The following GAB1 variants were observed in gnomAD, a reference collection of about 807,000 sequenced individuals.
GAB1 encodes the protein GRB2-associated-binding protein 1.
GAB1 carries 19 observed loss-of-function variants against 66.5 expected under a neutral mutation model. That is an observed-to-expected ratio of 0.29 (90% confidence interval 0.20 to 0.42). GAB1 has a LOEUF of 0.42. Ranked by LOEUF, GAB1 falls within the 10% of genes least tolerant of loss-of-function variation. GAB1 has a pLI of 1.00. For synonymous variants in GAB1, 294 were observed against 301.4 expected (o/e 0.98, Z 0.25); for missense variants, 732 against 858.5 (o/e 0.85, Z 1.84).
intron 1 of GAB1, among the ~76,000 whole-genome samples, chr4:143,360,168 G>T (rs141976605): frequency 6.6e-6 from 1 of 152,032 alleles, no homozygotes; most frequent in African/African-American, 2.4e-5. Context: ...TTTTGTATAA[G>T]TAGATTCACC....
intron 1 of GAB1, among the ~76,000 whole-genome samples, chr4:143,389,380 A>G (rs1731075067): frequency 6.6e-6 from 1 of 152,200 alleles, no homozygotes; most frequent in African/African-American, 2.4e-5. Context: ...TGAATTTCAA[A>G]TGTGTATTTA....
At chr4:143,344,641 T>C (rs1261659781) in intron 1 of GAB1, among the ~76,000 whole-genome samples, 1 of 152,186 alleles carries the variant, frequency 6.6e-6, no homozygotes, top group East Asian at 1.9e-4. Context: ...GGGATGGCTA[T>C]AGGAGCCTCA....
intron 1 of GAB1, among the ~76,000 whole-genome samples, chr4:143,390,092 AG>A (rs1217175133): frequency 1.3e-5 from 2 of 152,226 alleles, no homozygotes. Flanking sequence ...TTAATAATCC[AG>A]TATTTCATAG....
chr4:143,405,965 T>TA (rs925238694), intron 1 of GAB1, among the ~76,000 whole-genome samples: 77 of 148,154 alleles, frequency 5.2e-4, no homozygotes, highest in African/African-American at 1.4e-3. Context: ...AAAAACTCTT[T>TA]AAAAAAAAAA....
chr4:143,366,479 T>A (rs1248836621), intron 1 of GAB1, among the ~76,000 whole-genome samples: 1 of 152,226 alleles, frequency 6.6e-6, no homozygotes, highest in African/African-American at 2.4e-5. Context: ...TAAAAGTTTA[T>A]TCCATAAGGA....
intron 1 of GAB1, among the ~76,000 whole-genome samples, chr4:143,376,482 G>A (rs938133746): frequency 6.6e-6 from 1 of 152,118 alleles, no homozygotes; most frequent in Non-Finnish European, 1.5e-5. Flanking sequence ...CTTCATATGA[G>A]GCTATTCTAA....
At chr4:143,422,133 T>C (rs2149727921) in intron 2 of GAB1, among the ~76,000 whole-genome samples, 1 of 152,210 alleles carries the variant, frequency 6.6e-6, no homozygotes, top group South Asian at 2.1e-4. Context: ...AGTAAGAAAA[T>C]GGTATGTTAG....
chr4:143,446,861 T>G (rs1054387636), intron 6 of GAB1, among the ~76,000 whole-genome samples: 47 of 151,000 alleles, frequency 3.1e-4, no homozygotes, highest in African/African-American at 1.1e-3. Flanking sequence ...AGACATGAAG[T>G]CCTTGCCCAT....
intron 1 of GAB1, among the ~76,000 whole-genome samples, chr4:143,356,477 C>CG (rs1560716270): frequency 6.6e-6 from 1 of 151,942 alleles, no homozygotes; most frequent in East Asian, 1.9e-4. Context: ...CTTTCATACC[C>CG]ATAGAGGAAT....
chr4:143,379,592 C>T (rs1481242975), intron 1 of GAB1, among the ~76,000 whole-genome samples: 1 of 152,110 alleles, frequency 6.6e-6, no homozygotes, highest in African/African-American at 2.4e-5. Flanking sequence ...GATTGACCGG[C>T]TGATCGATTG....
intron 1 of GAB1, among the ~76,000 whole-genome samples, chr4:143,372,373 A>G (rs1209963673): frequency 6.6e-6 from 1 of 152,200 alleles, no homozygotes; most frequent in Non-Finnish European, 1.5e-5. Context: ...TGCTTGCTGT[A>G]GGCCAGGACT....
chr4:143,457,615 T>TTTC, intron 6 of GAB1: 15 of 497,708 alleles, frequency 3.0e-5, no homozygotes, highest in South Asian at 7.0e-5. Context: ...TTTTTTTTTT[T>TTTC]ACAGAATCCA....
intron 1 of GAB1, among the ~76,000 whole-genome samples, chr4:143,411,383 G>C (rs1228428012): frequency 1.3e-5 from 2 of 152,150 alleles, no homozygotes; most frequent in Non-Finnish European, 2.9e-5. Context: ...TTTTTACATA[G>C]TCCTTCTCAA....
intron 1 of GAB1, among the ~76,000 whole-genome samples, chr4:143,372,610 G>A (rs1201866255): frequency 6.6e-6 from 1 of 152,200 alleles, no homozygotes; most frequent in Non-Finnish European, 1.5e-5. Flanking sequence ...TGGCCAAAAA[G>A]CCTAAATTCA....
At chr4:143,407,598 G>C (rs1052728293) in intron 1 of GAB1, among the ~76,000 whole-genome samples, 1 of 152,130 alleles carries the variant, frequency 6.6e-6, no homozygotes, top group Non-Finnish European at 1.5e-5. Context: ...CTAAGCTAAA[G>C]TTAGCTCGGA....
intron 1 of GAB1, among the ~76,000 whole-genome samples, chr4:143,369,083 G>A (rs1198150329): frequency 6.6e-6 from 1 of 152,164 alleles, no homozygotes; most frequent in South Asian, 2.1e-4. Context: ...AGGATTACAG[G>A]TGTGCACCAC....
chr4:143,448,677 CTCTT>C (rs1473166602), intron 6 of GAB1, among the ~76,000 whole-genome samples: 4 of 151,784 alleles, frequency 2.6e-5, no homozygotes, highest in African/African-American at 9.7e-5. Context: ...TGATTCTTCT[CTCTT>C]TTTTTCTTTA....
chr4:143,389,014 A>G (rs1486215463), intron 1 of GAB1, among the ~76,000 whole-genome samples: 6 of 152,174 alleles, frequency 3.9e-5, no homozygotes, highest in African/African-American at 1.2e-4. Flanking sequence ...TCTGCAGAGA[A>G]GGATTGGAGC....
intron 2 of GAB1, chr4:143,425,967 T>A: frequency 1.4e-6 from 1 of 740,010 alleles, no homozygotes; most frequent in Non-Finnish European, 2.3e-6. Context: ...ACATGGAAAA[T>A]AAACATCAGT....
Sources: allele counts gnomAD v4.1 joint callset (sites outside exome capture counted in the v4.1 genomes callset), GRCh38; gene constraint gnomAD v4.1.1; transcripts MANE v1.5; gene names NCBI Gene and HGNC (gene_info 2026-07-23, HGNC 2026-07-21).